HELQ: variants seen among roughly 807,000 people sequenced by gnomAD.
HELQ encodes the protein helicase POLQ-like.
A neutral mutation model predicts 111.6 loss-of-function variants in HELQ; 77 were observed. That is an observed-to-expected ratio of 0.69 (90% CI 0.57 to 0.83). HELQ has a LOEUF of 0.83. HELQ is among the 40% of genes least tolerant of loss of function. The probability of loss-of-function intolerance (pLI) is 0.00; values close to 1 mark genes in which losing one functional copy is unlikely to be tolerated. For synonymous variants in HELQ, 438 were observed against 454.7 expected (o/e 0.96, Z 0.47); for missense variants, 1,200 against 1,288.5 (o/e 0.93, Z 1.05).
chr4:83,439,163 G>A (rs1720626576), intron 8 of HELQ, among the ~76,000 whole-genome samples: 1 of 151,860 alleles, frequency 6.6e-6, no homozygotes, highest in Admixed American at 6.6e-5. Context: ...TGCCTCCCAG[G>A]TTCAAGTGAT....
chr4:83,445,680 C>T (rs555255249), intron 5 of HELQ, among the ~76,000 whole-genome samples: 1 of 152,316 alleles, frequency 6.6e-6, no homozygotes, highest in Non-Finnish European at 1.5e-5. Flanking sequence ...CTAAGCACTG[C>T]TGAATGCAAT....
chr4:83,437,216 T>A, intron 8 of HELQ, 119 bp from the exon 9 acceptor site: 1 of 922,376 alleles, frequency 1.1e-6, no homozygotes, highest in Non-Finnish European at 1.6e-6. Flanking sequence ...TCCATTGAGT[T>A]AAGTACATTA....
Position 83,429,642 on chromosome 4 carries a change from A to T in HELQ, c.2400T>A (p.Val800=). 2 of 1,612,904 alleles carry T rather than the reference A, an allele frequency of 1.2e-6. No individual in the cohort carries two copies. Among genetic ancestry groups the T allele is most frequent in the Non-Finnish European group, 1.7e-6 (2 of 1,179,034 alleles). The change falls in exon 12 of 18, where the codon GTT becomes GTA. Residue 800 remains valine (V), a synonymous_variant. Transcript: ENST00000295488. ...LKEKSLWEIT[V]ESLRYLTEKG... is the part of the protein sequence containing the mutation. ...TTTCTGTCAGGTATCTAAGTGATTC[A>T]ACAGTTATTTCCCAGAGACTTTTTT...
At position 83,407,510 on chromosome 4, in the gene HELQ, T is replaced by C. The variant is rs929998277; in HGVS notation, c.3249A>G (p.Leu1083=). The C allele has an allele frequency of 6.2e-7, 1 of 1,611,934 alleles. No individual in the cohort carries two copies. Among genetic ancestry groups the C allele is most frequent in the African/African-American group, 1.3e-5 (1 of 74,820 alleles). Residue 1083 remains leucine (L), a synonymous_variant, in exon 18 of 18, where the codon TTA becomes TTG. Transcript: ENST00000295488. ...AEALQEEVEE[L]LRLPSDFPGA... ...CAGGGAAATCAGAAGGCAATCTTAG[T>C]AACTCTTCTACCTCTTCTTGCAGGG...
In HELQ at chr4:83,429,725, T is replaced by C. The variant is rs1174095248; in HGVS notation, c.2317A>G (p.Ile773Val). The C allele has an allele frequency of 1.2e-6, 2 of 1,612,092 alleles. No homozygotes were observed. Among genetic ancestry groups the C allele is most frequent in the Non-Finnish European group, 8.5e-7 (1 of 1,178,866 alleles). ...GLKIATNLDDIYHFMNGTFFG... is the reference protein window; with the variant it reads ...GLKIATNLDDVYHFMNGTFFG... ...AATGTACCATTCATGAAATGATAGATGTCATCAAGATTCGTTGCAATCTGA... is the reference window on the plus strand; with the variant it reads ...AATGTACCATTCATGAAATGATAGACGTCATCAAGATTCGTTGCAATCTGA... The change falls in exon 12 of 18, where the codon ATC becomes GTC. Residue 773 changes from isoleucine (I) to valine (V), a missense_variant. Physicochemically the swap from Ile to Val is conservative, Grantham distance 29. Transcript: ENST00000295488.
At chr4:83,436,331 A>C (rs1720458924) in intron 9 of HELQ, among the ~76,000 whole-genome samples, 1 of 152,198 alleles carries the variant, frequency 6.6e-6, no homozygotes, top group Non-Finnish European at 1.5e-5. Flanking sequence ...ACTCATGGAA[A>C]GTTTATAAAA....
intron 2 of HELQ, among the ~76,000 whole-genome samples, chr4:83,452,026 T>G (rs899902162): frequency 6.6e-6 from 1 of 152,232 alleles, no homozygotes. Flanking sequence ...GACCCTCCAG[T>G]ATGGCAGCAA....
At position 83,453,660 on chromosome 4, in the gene HELQ, C is replaced by A; in HGVS notation, c.583G>T (p.Val195Leu). ...IEPGADLLYD[V>L]PSSQAIYFEN... ...AAGTATATAGCCTGTGAGGAAGGTACATCATACAAAAGATCAGCTCCAGGT... is the reference window on the plus strand; with the variant it reads ...AAGTATATAGCCTGTGAGGAAGGTAAATCATACAAAAGATCAGCTCCAGGT... Residue 195 changes from valine (V) to leucine (L), a missense_variant, in exon 2 of 18, where the codon GTA becomes TTA. Physicochemically the swap from Val to Leu is conservative, Grantham distance 32 (BLOSUM62 1). Around this residue, in one of 3 missense-constraint regions of HELQ, gnomAD observed 610 missense variants for 607.1 expected, o/e 1.00. Coordinates refer to ENST00000295488, the MANE Select transcript of HELQ (RefSeq NM_133636.5). The A allele has an allele frequency of 6.2e-7, 1 of 1,614,086 alleles. No individual in the cohort carries two copies. Among genetic ancestry groups the A allele is most frequent in the Non-Finnish European group, 8.5e-7 (1 of 1,179,976 alleles).
At position 83,416,869 on chromosome 4, in the gene HELQ, A is replaced by C; in HGVS notation, c.3064-4T>G. 4 of 1,591,208 alleles carry C rather than the reference A, an allele frequency of 2.5e-6. No homozygotes were observed. Among genetic ancestry groups the C allele is most frequent in the Non-Finnish European group, 3.4e-6 (4 of 1,172,388 alleles). On this transcript the variant is annotated splice_polypyrimidine_tract_variant and splice_region_variant and intron_variant, in intron 16 of 17. Transcript: ENST00000295488. ...TGTATAACTGTTTTGCTCGACCCTG[A>C]AAAGTGTTACAAAAATCAGTAGGAT... is the stretch of plus-strand genomic sequence containing the variant.
intron 17 of HELQ, among the ~76,000 whole-genome samples, chr4:83,414,649 G>C (rs555782366): frequency 1.4e-4 from 21 of 152,254 alleles, no homozygotes; most frequent in African/African-American, 5.1e-4. Context: ...CATTGAATAT[G>C]TTTGAACCTA....
chr4:83,418,343 T>C, intron 15 of HELQ, 137 bp from the exon 16 acceptor site: 1 of 479,218 alleles, frequency 2.1e-6, no homozygotes, highest in Non-Finnish European at 3.7e-6. Context: ...TGAAAGATGA[T>C]TCTAAGCAAA....
chr4:83,446,947 C>T lies in HELQ; in HGVS notation c.1280G>A (p.Arg427Lys). Residue 427 changes from arginine (R) to lysine (K), a missense_variant, in exon 4 of 18, where the codon AGA becomes AAA. Transcript: ENST00000295488. ...GSKGRFPPTK[R>K]REKKSLYIAT... The stretch of plus-strand genomic sequence containing the variant: ...AATATAGAGTGATTTCTTTTCCCTT[C>T]TTTTAGTTGGAGGAAATCTTCCTTT... 1 of 1,612,942 alleles carries T rather than the reference C, an allele frequency of 6.2e-7. No individual in the cohort carries two copies. The highest frequency in any genetic ancestry group is 8.5e-7 in the Non-Finnish European group (1 of 1,178,936).
intron 17 of HELQ, among the ~76,000 whole-genome samples, chr4:83,413,750 T>C (rs1253811297): frequency 2.0e-5 from 3 of 152,172 alleles, no homozygotes; most frequent in Non-Finnish European, 1.5e-5. Context: ...ACATTCCCTC[T>C]CAAAACCTAG....
intron 12 of HELQ, among the ~76,000 whole-genome samples, chr4:83,429,056 CT>C (rs150064229): frequency 0.078 from 11,906 of 151,910 alleles, 1,561 homozygotes; most frequent in African/African-American, 0.27. Flanking sequence ...CATTTTTCAA[CT>C]TTTGAAAGTT....
At chr4:83,455,167 G>T in intron 1 of HELQ, 1 of 732,590 alleles carries the variant, frequency 1.4e-6, no homozygotes, top group Non-Finnish European at 2.1e-6. Flanking sequence ...GCCTAGATTT[G>T]TGTCTCAGTC....
chr4:83,452,420 CA>C (rs1440313070), intron 2 of HELQ, among the ~76,000 whole-genome samples: 4 of 152,152 alleles, frequency 2.6e-5, no homozygotes, highest in African/African-American at 9.7e-5. Flanking sequence ...AAAGGCAGCA[CA>C]AGGCAGAGCA....
rs1195554484 is a variant in HELQ, at chr4:83,436,913, A to G, written c.1993T>C (p.Cys665Arg). 6.2e-7 allele frequency: 1 copy of G among 1,614,218 alleles called. No homozygotes were observed. Among genetic ancestry groups the G allele is most frequent in the South Asian group, 1.1e-5 (1 of 91,086 alleles). Reference sequence around the variant, plus strand: ...AGGGTAGATGTGCAGGTAAAAAGACAGAGCACTCCTGTGGAGTAGGCCTCC... The same window carrying G: ...AGGGTAGATGTGCAGGTAAAAAGACGGAGCACTCCTGTGGAGTAGGCCTCC... ...LEEAYSTGVL[C>R]LFTCTSTLAA... Residue 665 changes from cysteine (C) to arginine (R), a missense_variant, in exon 9 of 18, where the codon TGT becomes CGT. This residue lies in a region of HELQ where 585 missense variants were observed against 665.3 expected (regional missense o/e 0.88). Transcript: ENST00000295488.
In HELQ at chr4:83,437,024, G is replaced by C; in HGVS notation, c.1882C>G (p.Leu628Val). The change falls in exon 9 of 18, where the codon CTG becomes GTG. Residue 628 changes from leucine to valine, a missense_variant. By Grantham distance (32) the Leu-to-Val change is conservative. This residue lies in a region of HELQ where 585 missense variants were observed against 665.3 expected (regional missense o/e 0.88). Coordinates refer to ENST00000295488, the MANE Select transcript of HELQ (RefSeq NM_133636.5). ...KNLKNIGNGN[L>V]CPVLKRTIPF... ...ATAGTGCGCTTTAAAACAGGACACA[G>C]GTTGCCATTGCCAATATTCTTCAAG... 1 of 1,614,004 alleles carries C rather than the reference G, an allele frequency of 6.2e-7. No individual in the cohort carries two copies.
At chr4:83,434,748 T>A (rs1720357686) in intron 9 of HELQ, among the ~76,000 whole-genome samples, 1 of 152,110 alleles carries the variant, frequency 6.6e-6, no homozygotes, top group South Asian at 2.1e-4. Context: ...ACAAAAAAAC[T>A]GATTTTTTGA....
Sources: allele counts gnomAD v4.1 joint callset (sites outside exome capture counted in the v4.1 genomes callset), GRCh38; gene constraint gnomAD v4.1.1; regional missense constraint gnomAD v4.1.1; transcripts MANE v1.5; gene names NCBI Gene and HGNC (gene_info 2026-07-23, HGNC 2026-07-21).